SLC35D4: variants seen among roughly 807,000 people sequenced by gnomAD.
SLC35D4 encodes the protein UDP-N-acetylglucosamine transporter SLC35D4.
At chr18:23,323,431 C>T in the SLC35D4 span, among the ~76,000 whole-genome samples, 2 of 152,326 alleles carry the variant, frequency 1.3e-5, no homozygotes, top group African/African-American at 4.8e-5. Flanking sequence ...CTGCCTCCTT[C>T]CTTTATTTAG....
the SLC35D4 span, among the ~76,000 whole-genome samples, chr18:23,388,050 A>G: frequency 3.6e-3 from 550 of 152,336 alleles, 2 homozygotes; most frequent in Non-Finnish European, 6.3e-3. Context: ...CTAATATTAA[A>G]GTGGGGGCTG....
chr18:23,250,484 G>A, the SLC35D4 span, among the ~76,000 whole-genome samples: 4 of 152,162 alleles, frequency 2.6e-5, no homozygotes, highest in African/African-American at 9.7e-5. Context: ...GAAATCTTAC[G>A]TCCCCTTCAA....
the SLC35D4 span, among the ~76,000 whole-genome samples, chr18:23,295,828 G>T: frequency 6.6e-6 from 1 of 152,116 alleles, no homozygotes; most frequent in African/African-American, 2.4e-5. Flanking sequence ...CAATGACGTG[G>T]ATATTCAACA....
the SLC35D4 span, among the ~76,000 whole-genome samples, chr18:23,330,679 G>T: frequency 2.0e-5 from 3 of 152,144 alleles, no homozygotes; most frequent in Non-Finnish European, 4.4e-5. Context: ...CTCGCTCTGC[G>T]GAGCTGCAGA....
chr18:23,384,996 CT>C, the SLC35D4 span: 1 of 1,613,654 alleles, frequency 6.2e-7, no homozygotes, highest in South Asian at 1.1e-5. Context: ...TTACCTCTTT[CT>C]GAAAACACTT....
At chr18:23,324,649 T>C in the SLC35D4 span, among the ~76,000 whole-genome samples, 2 of 152,118 alleles carry the variant, frequency 1.3e-5, no homozygotes, top group Non-Finnish European at 2.9e-5. Flanking sequence ...TGCTAAGACA[T>C]GGGCAGACTC....
the SLC35D4 span, chr18:23,430,554 T>TA: frequency 8.8e-6 from 11 of 1,248,632 alleles, no homozygotes; most frequent in African/African-American, 1.7e-4. Flanking sequence ...TCTATGCAGT[T>TA]ATTAAAACTA....
the SLC35D4 span, among the ~76,000 whole-genome samples, chr18:23,249,453 C>T: frequency 1.3e-5 from 2 of 152,170 alleles, no homozygotes; most frequent in East Asian, 3.8e-4. Context: ...GGGTCTTTGG[C>T]ACATAGAAAT....
chr18:23,302,048 G>A, the SLC35D4 span, among the ~76,000 whole-genome samples: 5 of 152,214 alleles, frequency 3.3e-5, no homozygotes, highest in African/African-American at 9.7e-5. Flanking sequence ...ACTCAGTGTT[G>A]ATTCAGCAAG....
At chr18:23,329,730 C>G in the SLC35D4 span, among the ~76,000 whole-genome samples, 6 of 152,166 alleles carry the variant, frequency 3.9e-5, no homozygotes, top group South Asian at 1.2e-3. Context: ...GATTATAAAT[C>G]ATGGTACTAT....
chr18:23,366,048 G>A, the SLC35D4 span, among the ~76,000 whole-genome samples: 1 of 152,200 alleles, frequency 6.6e-6, no homozygotes, highest in African/African-American at 2.4e-5. Flanking sequence ...GCTAGCTGTT[G>A]TGTGTGAGCT....
At chr18:23,261,633 A>G in the SLC35D4 span, among the ~76,000 whole-genome samples, 1 of 152,194 alleles carries the variant, frequency 6.6e-6, no homozygotes, top group South Asian at 2.1e-4. Flanking sequence ...AAAAGAAAAA[A>G]GTACATCTAA....
At chr18:23,429,315 T>G in the SLC35D4 span, among the ~76,000 whole-genome samples, 1 of 152,180 alleles carries the variant, frequency 6.6e-6, no homozygotes, top group Admixed American at 6.6e-5. Context: ...CTACCAACAG[T>G]GTATAAACGT....
chr18:23,379,190 C>G, the SLC35D4 span, among the ~76,000 whole-genome samples: 1 of 149,318 alleles, frequency 6.7e-6, no homozygotes, highest in African/African-American at 2.5e-5. Context: ...GTGGCGTGAT[C>G]TTGGCTCACT....
chr18:23,306,061 T>C, the SLC35D4 span, among the ~76,000 whole-genome samples: 4 of 152,162 alleles, frequency 2.6e-5, no homozygotes, highest in Non-Finnish European at 4.4e-5. Flanking sequence ...TGTTCAAAAA[T>C]AACACTGTTG....
the SLC35D4 span, among the ~76,000 whole-genome samples, chr18:23,414,645 C>T: frequency 6.6e-6 from 1 of 151,332 alleles, no homozygotes; most frequent in Non-Finnish European, 1.5e-5. Context: ...TGCACTCCAG[C>T]TTGGGTGACA....
chr18:23,246,431 G>T, the SLC35D4 span, among the ~76,000 whole-genome samples: 110 of 151,728 alleles, frequency 7.2e-4, no homozygotes, highest in Non-Finnish European at 1.1e-3. Context: ...TTGCTCTGTC[G>T]CCCAGGCTGA....
chr18:23,307,993 C>G, the SLC35D4 span, among the ~76,000 whole-genome samples: 1 of 152,348 alleles, frequency 6.6e-6, no homozygotes, highest in Middle Eastern at 3.4e-3. Flanking sequence ...CTGCATACCC[C>G]CAGGGTCCTG....
the SLC35D4 span, among the ~76,000 whole-genome samples, chr18:23,274,712 C>T: frequency 6.6e-6 from 1 of 152,208 alleles, no homozygotes. Flanking sequence ...GTGTCCAGTG[C>T]ACGCAAGGGC....
Sources: allele counts gnomAD v4.1 joint callset (sites outside exome capture counted in the v4.1 genomes callset), GRCh38; gene constraint gnomAD v4.1.1; transcripts MANE v1.5; gene names NCBI Gene and HGNC (gene_info 2026-07-23, HGNC 2026-07-21).